Variants in CDC5L observed in about 807,000 individuals in gnomAD.
CDC5L encodes cell division cycle 5-like protein.
CDC5L carries 18 observed loss-of-function variants against 104.1 expected under a neutral mutation model. The ratio of observed to expected loss-of-function variants is 0.17; its 90% CI spans 0.12 to 0.26. The LOEUF (loss-of-function observed/expected upper bound fraction) is 0.26. Among genes scored for constraint, CDC5L ranks in the 10% least tolerant of loss-of-function variants. CDC5L has a pLI of 1.00. For synonymous variants in CDC5L, 331 were observed against 322.7 expected (o/e 1.03, Z -0.28); for missense variants, 673 against 956.9 (o/e 0.70, Z 3.91).
intron 14 of CDC5L, among the ~76,000 whole-genome samples, chr6:44,438,401 A>G (rs916527809): frequency 1.3e-5 from 2 of 152,208 alleles, no homozygotes; most frequent in African/African-American, 2.4e-5. Flanking sequence ...ACAGAGTTTG[A>G]CATCCTAATT....
intron 2 of CDC5L, among the ~76,000 whole-genome samples, chr6:44,390,769 A>C (rs1790552339): frequency 6.6e-6 from 1 of 152,058 alleles, no homozygotes; most frequent in Non-Finnish European, 1.5e-5. Context: ...TTTAGAAATT[A>C]CTTGCTCAAA....
At chr6:44,427,490 A>G (rs1387248387) in intron 13 of CDC5L, among the ~76,000 whole-genome samples, 3 of 152,136 alleles carry the variant, frequency 2.0e-5, no homozygotes, top group Non-Finnish European at 4.4e-5. Flanking sequence ...GATTCTTACA[A>G]ACTCTCCTGT....
chr6:44,413,610 G>T (rs754942761), intron 8 of CDC5L, among the ~76,000 whole-genome samples: 21 of 152,158 alleles, frequency 1.4e-4, no homozygotes, highest in Admixed American at 2.0e-4. Flanking sequence ...TTGAGACATG[G>T]TCTTGCTCTG....
intron 14 of CDC5L, among the ~76,000 whole-genome samples, chr6:44,433,697 G>T (rs1207593599): frequency 6.6e-6 from 1 of 152,126 alleles, no homozygotes; most frequent in African/African-American, 2.4e-5. Flanking sequence ...CTTCTTAGAA[G>T]TAAAGTAACT....
At chr6:44,414,845 AT>A (rs1490609575) in intron 8 of CDC5L, among the ~76,000 whole-genome samples, 1 of 152,160 alleles carries the variant, frequency 6.6e-6, no homozygotes, top group Non-Finnish European at 1.5e-5. Flanking sequence ...TATCCAAGAA[AT>A]TCTTTCCAAC....
chr6:44,438,429 G>A (rs1480222191), intron 14 of CDC5L, among the ~76,000 whole-genome samples: 1 of 152,126 alleles, frequency 6.6e-6, no homozygotes, highest in African/African-American at 2.4e-5. Flanking sequence ...AGAATCATTT[G>A]GGAGTTTTTA....
chr6:44,411,637 A>AGAGAGAGAGAGAGAGAGTGTGTGT lies in CDC5L; in HGVS notation c.1092+3006_1092+3007insAGAGAGAGAGAGAGAGTGTGTGTG. Among the ~76,000 whole-genome samples, 4 of 123,740 alleles carry AGAGAGAGAGAGAGAGAGTGTGTGT rather than the reference A, an allele frequency of 3.2e-5. No individual in the cohort carries two copies. The East Asian group carries it at 2.2e-3, about 67-fold the overall frequency. The allele number at this position is 123,740 out of a possible 152,430, so 81.2% of individuals were successfully genotyped here. A position where few individuals can be genotyped will look rare whatever the true frequency, so the allele number is the denominator to read the frequency against. On this transcript the variant is annotated intron_variant, in intron 8 of 15. Transcript: ENST00000371477. ...GAGAGAGAGAGAGAGAGAGAGAGAG[A>AGAGAGAGAGAGAGAGAGTGTGTGT]GTGTGTGTGTGTGTGTGACTAAAAA...
chr6:44,396,483 C>G, intron 5 of CDC5L, 43 bp downstream of exon 5: 1 of 1,195,020 alleles, frequency 8.4e-7, no homozygotes, highest in Non-Finnish European at 1.2e-6. Context: ...GTTTTTCTCA[C>G]ATAACAATCA....
At chr6:44,400,562 A>G (rs1331150701) in intron 5 of CDC5L, among the ~76,000 whole-genome samples, 1 of 151,918 alleles carries the variant, frequency 6.6e-6, no homozygotes, top group Non-Finnish European at 1.5e-5. Context: ...TAATTTTTGT[A>G]TTTTTAATAA....
intron 7 of CDC5L, among the ~76,000 whole-genome samples, chr6:44,407,916 G>A (rs1410834954): frequency 1.3e-5 from 2 of 152,104 alleles, no homozygotes; most frequent in Non-Finnish European, 2.9e-5. Flanking sequence ...TTTTCTTAGG[G>A]ATCTTGTGGC....
intron 14 of CDC5L, among the ~76,000 whole-genome samples, chr6:44,438,923 C>G (rs1452596763): frequency 6.6e-6 from 1 of 151,930 alleles, no homozygotes; most frequent in Non-Finnish European, 1.5e-5. Flanking sequence ...AGTTCAGTGG[C>G]TTTTAGTAAA....
intron 9 of CDC5L, among the ~76,000 whole-genome samples, chr6:44,420,475 T>C (rs1379472328): frequency 6.6e-6 from 1 of 151,968 alleles, no homozygotes; most frequent in Non-Finnish European, 1.5e-5. Flanking sequence ...TCTTCTGCCT[T>C]GGCCTCCCGA....
chr6:44,445,578 A>G (rs1003352648), intron 14 of CDC5L, 77 bp from the exon 15 acceptor site: 5 of 971,934 alleles, frequency 5.1e-6, no homozygotes, highest in South Asian at 3.2e-5. Flanking sequence ...ACATGAACGC[A>G]TGGTACCTTT....
intron 8 of CDC5L, among the ~76,000 whole-genome samples, chr6:44,412,600 T>A (rs533687496): frequency 5.6e-5 from 4 of 71,430 alleles, no homozygotes; most frequent in Non-Finnish European, 2.0e-4. Context: ...TTAAAAAAAA[T>A]AGTTTTTTTT....
At chr6:44,404,126 T>G (rs1791255688) in intron 6 of CDC5L, 99 bp downstream of exon 6, 2 of 732,728 alleles carry the variant, frequency 2.7e-6, no homozygotes, top group East Asian at 6.4e-5. Context: ...TTTTATTATT[T>G]ATTTATTTTA....
intron 14 of CDC5L, among the ~76,000 whole-genome samples, chr6:44,444,149 G>A (rs1209621415): frequency 6.6e-6 from 1 of 152,136 alleles, no homozygotes; most frequent in Admixed American, 6.5e-5. Context: ...ATGTGTCCTA[G>A]TTCCTTCTGT....
intron 14 of CDC5L, among the ~76,000 whole-genome samples, chr6:44,441,665 G>A (rs955486491): frequency 6.6e-6 from 1 of 151,970 alleles, no homozygotes; most frequent in Non-Finnish European, 1.5e-5. Context: ...ACAGGTGTAA[G>A]GTAATACCTT....
chr6:44,395,489 C>T (rs765681202), intron 4 of CDC5L, among the ~76,000 whole-genome samples: 5 of 152,180 alleles, frequency 3.3e-5, no homozygotes, highest in African/African-American at 9.7e-5. Context: ...CCCTTTCTTG[C>T]GAGATGGGGA....
chr6:44,392,740 G>C lies in CDC5L; in HGVS notation c.223G>C (p.Ala75Pro). 1 of 1,614,156 alleles carries C rather than the reference G, an allele frequency of 6.2e-7. No individual in the cohort carries two copies. Among genetic ancestry groups the C allele is most frequent in the Non-Finnish European group, 8.5e-7 (1 of 1,180,006 alleles). ...AGAAGAGGAAAAACTCTTGCACTTG[G>C]CCAAGTTGATGCCAACTCAGTGGAG... Reference protein sequence around the residue: ...REEEEKLLHLAKLMPTQWRTI... With the variant: ...REEEEKLLHLPKLMPTQWRTI... The change falls in exon 3 of 16, where the codon GCC becomes CCC. Residue 75 changes from alanine (A) to proline (P), a missense_variant. Around this residue, in one of 4 missense-constraint regions of CDC5L, gnomAD observed 74 missense variants for 123.5 expected, o/e 0.60. Coordinates refer to ENST00000371477, the MANE Select transcript of CDC5L (RefSeq NM_001253.4).
Sources: allele counts gnomAD v4.1 joint callset (sites outside exome capture counted in the v4.1 genomes callset), GRCh38; gene constraint gnomAD v4.1.1; regional missense constraint gnomAD v4.1.1; transcripts MANE v1.5; gene names NCBI Gene and HGNC (gene_info 2026-07-23, HGNC 2026-07-21).